Variants in ST6GALNAC3 observed in about 807,000 individuals in gnomAD.
ST6GALNAC3 encodes alpha-N-acetylgalactosaminide alpha-2,6-sialyltransferase 3.
ST6GALNAC3 carries 25 observed loss-of-function variants against 32.7 expected under a neutral mutation model. The ratio of observed to expected loss-of-function variants is 0.76; its 90% confidence interval spans 0.56 to 1.07. ST6GALNAC3 has a LOEUF of 1.07. Ranked by LOEUF, ST6GALNAC3 falls within the 50% of genes least tolerant of loss-of-function variation. ST6GALNAC3 has a pLI of 0.00. For synonymous variants in ST6GALNAC3, 129 were observed against 133.1 expected (o/e 0.97, Z 0.21); for missense variants, 355 against 382.4 (o/e 0.93, Z 0.60).
chr1:76,352,170 T>A (rs1203504655), intron 2 of ST6GALNAC3, among the ~76,000 whole-genome samples: 2 of 152,196 alleles, frequency 1.3e-5, no homozygotes, highest in African/African-American at 4.8e-5. Context: ...GTTCATTTTA[T>A]TTTTCTCCTT....
rs1329894255 is a variant in ST6GALNAC3, at chr1:76,116,308, G to A, written c.18+41424G>A. On this transcript the variant is annotated intron_variant, in intron 1 of 4. Coordinates refer to ENST00000328299, the MANE Select transcript of ST6GALNAC3 (RefSeq NM_152996.4). ...ACAGTGAGGACTTTGGACTCTATGA[G>A]CTAGGAGTGTTCTGCCCACTTAAAA... Among the ~76,000 whole-genome samples the A allele has an allele frequency of 2.0e-5, 3 of 152,152 alleles. No individual in the cohort carries two copies. The East Asian group carries it at 5.8e-4, about 29-fold the overall frequency.
Position 76,473,040 on chromosome 1 carries a change from T to C in ST6GALNAC3, c.623+60623T>C, listed in dbSNP as rs1659134660. ...AATCTTGGATAGAAGGGGCTTCTTG[T>C]TCTCTAAGGCTGAGGCTAAAGTGGA... On this transcript the variant is annotated intron_variant, in intron 3 of 4. Coordinates refer to ENST00000328299, the MANE Select transcript of ST6GALNAC3 (RefSeq NM_152996.4). Among the ~76,000 whole-genome samples, 3 of 152,176 alleles carry C rather than the reference T, an allele frequency of 2.0e-5. No individual in the cohort carries two copies. The South Asian group carries it at 6.2e-4, about 32-fold the overall frequency.
chr1:76,330,375 A>C (rs1647167563), intron 2 of ST6GALNAC3, among the ~76,000 whole-genome samples: 1 of 151,868 alleles, frequency 6.6e-6, no homozygotes, highest in Non-Finnish European at 1.5e-5. Flanking sequence ...CTGGTGTCAA[A>C]TCAAACTCCT....
At chr1:76,567,443 T>C (rs315012) in intron 3 of ST6GALNAC3, among the ~76,000 whole-genome samples, 32,892 of 152,050 alleles carry the variant, frequency 0.22, 5,067 homozygotes, top group African/African-American at 0.43. Context: ...TGGAAAAACT[T>C]AAGCAACATG....
At chr1:76,223,771 T>C (rs1038392918) in intron 1 of ST6GALNAC3, among the ~76,000 whole-genome samples, 3 of 152,170 alleles carry the variant, frequency 2.0e-5, no homozygotes, top group Admixed American at 2.0e-4. Flanking sequence ...CTTTCCTGAT[T>C]ATTGATGCCA....
chr1:76,581,691 A>T (rs1646894052), intron 3 of ST6GALNAC3, among the ~76,000 whole-genome samples: 1 of 152,040 alleles, frequency 6.6e-6, no homozygotes, highest in African/African-American at 2.4e-5. Context: ...TGGCAATTTC[A>T]TATTTTTCAA....
intron 3 of ST6GALNAC3, among the ~76,000 whole-genome samples, chr1:76,479,518 G>T (rs1438537526): frequency 2.0e-5 from 3 of 152,192 alleles, no homozygotes; most frequent in Non-Finnish European, 4.4e-5. Flanking sequence ...TCTTGTGAGG[G>T]CCTTCTTGCC....
chr1:76,127,539 G>A (rs979020912), intron 1 of ST6GALNAC3, among the ~76,000 whole-genome samples: 1 of 152,116 alleles, frequency 6.6e-6, no homozygotes, highest in Non-Finnish European at 1.5e-5. Context: ...TTTACCATGC[G>A]ATTGAATAAT....
chr1:76,480,486 T>C (rs12063002), intron 3 of ST6GALNAC3, among the ~76,000 whole-genome samples: 25,647 of 152,014 alleles, frequency 0.17, 2,700 homozygotes, highest in African/African-American at 0.3. Flanking sequence ...TGATGTTAGA[T>C]AGATAAAAGT....
chr1:76,302,461 T>A (rs1660782343), intron 1 of ST6GALNAC3, among the ~76,000 whole-genome samples: 1 of 152,040 alleles, frequency 6.6e-6, no homozygotes, highest in Non-Finnish European at 1.5e-5. Flanking sequence ...AGGGAATAGC[T>A]GTTTGGTGTT....
At chr1:76,479,036 T>C (rs1271037739) in intron 3 of ST6GALNAC3, among the ~76,000 whole-genome samples, 1 of 152,132 alleles carries the variant, frequency 6.6e-6, no homozygotes, top group Non-Finnish European at 1.5e-5. Flanking sequence ...GTGCTGGGAT[T>C]ACAGGCGTAA....
intron 2 of ST6GALNAC3, among the ~76,000 whole-genome samples, chr1:76,374,323 C>T (rs1384180464): frequency 6.6e-6 from 1 of 152,262 alleles, no homozygotes; most frequent in East Asian, 1.9e-4. Flanking sequence ...AATTTGTTTG[C>T]TTCACCTGGT....
chr1:76,103,118 T>A (rs1647300217), intron 1 of ST6GALNAC3, among the ~76,000 whole-genome samples: 1 of 151,782 alleles, frequency 6.6e-6, no homozygotes, highest in African/African-American at 2.4e-5. Flanking sequence ...TTTTTTTTTT[T>A]TTTCTTTGTG....
intron 3 of ST6GALNAC3, among the ~76,000 whole-genome samples, chr1:76,498,220 T>G (rs1297392828): frequency 1.3e-5 from 2 of 152,220 alleles, no homozygotes; most frequent in African/African-American, 2.4e-5. Context: ...GATTTAAGTT[T>G]AGAGAAGGTT....
chr1:76,592,283 A>G (rs937888638), intron 3 of ST6GALNAC3, among the ~76,000 whole-genome samples: 5 of 152,150 alleles, frequency 3.3e-5, no homozygotes, highest in African/African-American at 7.2e-5. Context: ...GATGGAAAGA[A>G]TGCATTTCAG....
intron 2 of ST6GALNAC3, among the ~76,000 whole-genome samples, chr1:76,367,189 G>A (rs12076310): frequency 0.2 from 30,036 of 152,122 alleles, 3,653 homozygotes; most frequent in Admixed American, 0.32. Context: ...TAAACTATAT[G>A]TGAAATTTTC....
intron 3 of ST6GALNAC3, among the ~76,000 whole-genome samples, chr1:76,565,023 T>C (rs1665469545): frequency 6.6e-6 from 1 of 152,104 alleles, no homozygotes; most frequent in African/African-American, 2.4e-5. Flanking sequence ...TCAGAATTCT[T>C]CCCTTCCCCA....
chr1:76,168,677 T>C (rs1156352461), intron 1 of ST6GALNAC3, among the ~76,000 whole-genome samples: 4 of 152,238 alleles, frequency 2.6e-5, no homozygotes, highest in Admixed American at 2.6e-4. Flanking sequence ...CTATTTAGGA[T>C]AGTTAGATCT....
Position 76,143,950 on chromosome 1 carries a change from A to G in ST6GALNAC3, c.18+69066A>G, listed in dbSNP as rs149136236. ...GCTTGCCAGCCTTGGGCCAGTTTAT[A>G]GCCTTTTGGGCCTCAGTCTTCTTAT... On this transcript the variant is annotated intron_variant, in intron 1 of 4. Transcript: ENST00000328299. Among the ~76,000 whole-genome samples the G allele has an allele frequency of 3.9e-4, 59 of 152,316 alleles. No individual in the cohort carries two copies. The East Asian group carries it at 0.011, about 28-fold the overall frequency.
Sources: gnomAD v4.1 joint callset for allele counts (sites outside exome capture counted in the v4.1 genomes callset) on GRCh38, gnomAD v4.1.1 for gene constraint, MANE v1.5 for transcripts, NCBI Gene and HGNC (gene_info 2026-07-23, HGNC 2026-07-21) for gene names.